Variants in KCNB2 observed in about 807,000 individuals in gnomAD.
KCNB2 encodes the protein delayed rectifier potassium channel protein.
In KCNB2, 15 loss-of-function variants were observed where a neutral mutation model predicts 61.5. That is an observed-to-expected ratio of 0.24 (90% CI 0.16 to 0.38). The LOEUF (loss-of-function observed/expected upper bound fraction) is 0.38, where lower values mean the gene tolerates loss of function less well. Among genes scored for constraint, KCNB2 ranks in the 10% least tolerant of loss-of-function variants. KCNB2 has a pLI of 1.00. For missense variants in KCNB2, 828 were observed against 1,125.2 expected (o/e 0.74, Z 3.78); for synonymous variants, 457 against 446.0 (o/e 1.02, Z -0.31).
chr8:72,756,383 G>C, intron 2 of KCNB2, among the ~76,000 whole-genome samples: 1 of 152,134 alleles, frequency 6.6e-6, no homozygotes, highest in East Asian at 1.9e-4. Context: ...CCTATGTCCT[G>C]TATATGAGCT....
At chr8:72,907,581 G>A (rs1806201319) in intron 2 of KCNB2, among the ~76,000 whole-genome samples, 1 of 152,114 alleles carries the variant, frequency 6.6e-6, no homozygotes, top group South Asian at 2.1e-4. Context: ...CAACCTAAAA[G>A]GAGAATTCAA....
At chr8:72,711,842 A>G (rs772320849) in intron 2 of KCNB2, among the ~76,000 whole-genome samples, 45 of 152,168 alleles carry the variant, frequency 3.0e-4, no homozygotes, top group Non-Finnish European at 5.4e-4. Flanking sequence ...ACCAAAAAAT[A>G]TTAGCCAGGC....
At chr8:72,871,755 A>G (rs1401263997) in intron 2 of KCNB2, among the ~76,000 whole-genome samples, 2 of 152,250 alleles carry the variant, frequency 1.3e-5, no homozygotes, top group Admixed American at 1.3e-4. Context: ...TTCAAGGTAT[A>G]TGATTTAAAT....
chr8:72,653,853 G>C (rs1806249486), intron 2 of KCNB2, among the ~76,000 whole-genome samples: 1 of 152,196 alleles, frequency 6.6e-6, no homozygotes, highest in Non-Finnish European at 1.5e-5. Context: ...TTATTGTAAA[G>C]AGTTATTTCT....
At chr8:72,556,346 G>A (rs1225959167) in intron 1 of KCNB2, among the ~76,000 whole-genome samples, 1 of 152,020 alleles carries the variant, frequency 6.6e-6, no homozygotes, top group Non-Finnish European at 1.5e-5. Flanking sequence ...TAGCTTCCTA[G>A]TGTTTTACAC....
intron 2 of KCNB2, among the ~76,000 whole-genome samples, chr8:72,902,477 G>A (rs186747881): frequency 1.1e-4 from 16 of 152,200 alleles, no homozygotes; most frequent in Admixed American, 2.6e-4. Flanking sequence ...GGTAATTCAA[G>A]TTAAGAAGGT....
intron 2 of KCNB2, among the ~76,000 whole-genome samples, chr8:72,605,358 T>C (rs959694510): frequency 1.3e-5 from 2 of 152,166 alleles, no homozygotes; most frequent in African/African-American, 2.4e-5. Flanking sequence ...GGGTTTGTAG[T>C]GTTGGTAGCT....
chr8:72,586,860 G>T (rs1807008309), intron 2 of KCNB2, among the ~76,000 whole-genome samples: 1 of 152,084 alleles, frequency 6.6e-6, no homozygotes, highest in Non-Finnish European at 1.5e-5. Flanking sequence ...CTAGGACCTG[G>T]GTCACTTCCA....
At chr8:72,717,192 G>A (rs371664497) in intron 2 of KCNB2, among the ~76,000 whole-genome samples, 1 of 152,302 alleles carries the variant, frequency 6.6e-6, no homozygotes, top group East Asian at 1.9e-4. Flanking sequence ...AACATTCCAT[G>A]CTCATAGGTA....
At chr8:72,714,799 C>T (rs1287592292) in intron 2 of KCNB2, among the ~76,000 whole-genome samples, 1 of 152,116 alleles carries the variant, frequency 6.6e-6, no homozygotes, top group Non-Finnish European at 1.5e-5. Flanking sequence ...GGATCAAATT[C>T]ACACATAACA....
intron 2 of KCNB2, among the ~76,000 whole-genome samples, chr8:72,672,591 T>C (rs1380728859): frequency 1.3e-5 from 2 of 152,198 alleles, no homozygotes; most frequent in Non-Finnish European, 1.5e-5. Context: ...ATATAATCTA[T>C]AGTGAAAGGT....
intron 2 of KCNB2, among the ~76,000 whole-genome samples, chr8:72,839,362 C>T (rs1809837298): frequency 6.6e-6 from 1 of 152,114 alleles, no homozygotes; most frequent in South Asian, 2.1e-4. Context: ...CAGCCAATAT[C>T]TTTTGAACAC....
Position 72,711,379 on chromosome 8 carries a change from C to T in KCNB2, c.579+143066C>T, listed in dbSNP as rs375726162. ...TGCCATGCCTGCATGCGCCAGGCCT[C>T]CTACAAGGTCCAGGCTCACTGTCTC... is the stretch of plus-strand genomic sequence containing the variant. On this transcript the variant is annotated intron_variant, in intron 2 of 2. Transcript: ENST00000523207. 5.3e-5 allele frequency among the ~76,000 whole-genome samples: 8 copies of T among 152,280 alleles called. No individual in the cohort carries two copies. In the East Asian group the frequency reaches 1.2e-3, roughly 22 times the overall value.
rs554474531 is a variant in KCNB2, at chr8:72,609,703, A to T, written c.579+41390A>T. Among the ~76,000 whole-genome samples the T allele has an allele frequency of 3.9e-5, 6 of 152,336 alleles. No homozygotes were observed. In the East Asian group the frequency reaches 9.6e-4, roughly 24 times the overall value. On this transcript the variant is annotated intron_variant, in intron 2 of 2. Coordinates refer to ENST00000523207, the MANE Select transcript of KCNB2 (RefSeq NM_004770.3). ...ATTGTATATTATAATGTCAATTAGG[A>T]TCAACTTAGTATAATTTTATCTGTA...
chr8:72,622,996 G>T (rs531980728), intron 2 of KCNB2, among the ~76,000 whole-genome samples: 1 of 152,150 alleles, frequency 6.6e-6, no homozygotes, highest in South Asian at 2.1e-4. Context: ...CAAGGGAGTG[G>T]GCCCCAAATT....
chr8:72,648,133 G>T (rs1002797484), intron 2 of KCNB2, among the ~76,000 whole-genome samples: 6 of 152,136 alleles, frequency 3.9e-5, no homozygotes, highest in Non-Finnish European at 7.3e-5. Flanking sequence ...TAGTGCAGAG[G>T]TGTGAATGTT....
chr8:72,814,702 G>T (rs1440890685), intron 2 of KCNB2, among the ~76,000 whole-genome samples: 1 of 152,138 alleles, frequency 6.6e-6, no homozygotes, highest in East Asian at 1.9e-4. Context: ...CATTTAGATT[G>T]ATACTAGGCA....
At chr8:72,813,852 T>G (rs562481596) in intron 2 of KCNB2, among the ~76,000 whole-genome samples, 2 of 152,308 alleles carry the variant, frequency 1.3e-5, no homozygotes, top group South Asian at 4.1e-4. Context: ...AGTGCATGCT[T>G]TTTTCTTCTT....
chr8:72,803,318 C>T (rs1174045384), intron 2 of KCNB2, among the ~76,000 whole-genome samples: 3 of 152,176 alleles, frequency 2.0e-5, no homozygotes, highest in Admixed American at 6.5e-5. Context: ...GCTGCTTCCA[C>T]TCCAGAATGG....
Sources: allele counts gnomAD v4.1 joint callset (sites outside exome capture counted in the v4.1 genomes callset), GRCh38; gene constraint gnomAD v4.1.1; transcripts MANE v1.5; gene names NCBI Gene and HGNC (gene_info 2026-07-23, HGNC 2026-07-21).